Variants in CMIP observed in about 807,000 individuals in gnomAD.
CMIP encodes the protein C-Maf-inducing protein.
A neutral mutation model predicts 97.3 loss-of-function variants in CMIP; 13 were observed. That is an observed-to-expected ratio of 0.13 (90% CI 0.09 to 0.21). The LOEUF is 0.21. Ranked by LOEUF, CMIP falls within the 10% of genes least tolerant of loss-of-function variation. The pLI is 1.00. For synonymous variants in CMIP, 538 were observed against 436.3 expected, an observed-to-expected ratio of 1.23 and a Z score of -2.91; for missense variants, 847 against 1,024.9, an observed-to-expected ratio of 0.83 and a Z score of 2.37.
chr16:81,501,802 G>A (rs2089618377), intron 1 of CMIP, among the ~76,000 whole-genome samples: 1 of 151,996 alleles, frequency 6.6e-6, no homozygotes, highest in South Asian at 2.1e-4. Flanking sequence ...AGTAGAGTCG[G>A]GATTTCACCC....
At chr16:81,465,007 C>T (rs1242620415) in intron 1 of CMIP, 1 of 152,206 alleles carries the variant, frequency 6.6e-6, no homozygotes, top group East Asian at 1.9e-4. Context: ...GGGTAACGCT[C>T]CTGTGAACAT....
intron 1 of CMIP, among the ~76,000 whole-genome samples, chr16:81,459,007 C>T (rs572994658): frequency 5.5e-5 from 8 of 145,666 alleles, no homozygotes; most frequent in African/African-American, 1.9e-4. Context: ...TCACCATCAC[C>T]GTCACCGTCA....
At chr16:81,486,724 C>T (rs769931248) in intron 1 of CMIP, among the ~76,000 whole-genome samples, 1 of 152,266 alleles carries the variant, frequency 6.6e-6, no homozygotes, top group Non-Finnish European at 1.5e-5. Flanking sequence ...ACTCCCTAAG[C>T]GAATCCAGCT....
chr16:81,663,252 G>A (rs2151023523), intron 6 of CMIP, among the ~76,000 whole-genome samples: 1 of 152,076 alleles, frequency 6.6e-6, no homozygotes, highest in East Asian at 1.9e-4. Flanking sequence ...CCTTCCAGTG[G>A]GTGAATGGAT....
In CMIP at chr16:81,696,683, C is replaced by G. The variant is rs750317227; in HGVS notation, c.1638+16C>G. ...CGCCAGCATGGTACGCAGTGGGACC[C>G]CAGTGGGGTGACTTCCAGGGGTCCC... On this transcript the variant is annotated intron_variant, in intron 14 of 20. Coordinates refer to ENST00000537098, the MANE Select transcript of CMIP (RefSeq NM_198390.3). The G allele has an allele frequency of 8.7e-6, 14 of 1,600,704 alleles. No homozygotes were observed. The highest frequency in any genetic ancestry group is 1.7e-5 in the Admixed American group (1 of 59,742).
intron 14 of CMIP, 192 bp downstream of exon 14, chr16:81,696,859 T>C: frequency 1.6e-6 from 1 of 610,898 alleles, no homozygotes; most frequent in African/African-American, 1.9e-5. Flanking sequence ...ATTTCTTATC[T>C]GAGGCTCCAA....
chr16:81,495,998 C>A (rs1471251968), intron 1 of CMIP, among the ~76,000 whole-genome samples: 1 of 152,160 alleles, frequency 6.6e-6, no homozygotes, highest in Non-Finnish European at 1.5e-5. Flanking sequence ...GGCAGGGGCG[C>A]AAAGGAAGCA....
At chr16:81,551,828 G>C (rs558556553) in intron 1 of CMIP, among the ~76,000 whole-genome samples, 3 of 152,328 alleles carry the variant, frequency 2.0e-5, no homozygotes, top group African/African-American at 7.2e-5. Flanking sequence ...GTGGGTGACA[G>C]CTCCTGCTCC....
intron 1 of CMIP, among the ~76,000 whole-genome samples, chr16:81,516,647 A>T (rs770196394): frequency 6.6e-6 from 1 of 152,066 alleles, no homozygotes; most frequent in Non-Finnish European, 1.5e-5. Context: ...ACTGCTGGGG[A>T]TTGGCTTGCT....
chr16:81,581,923 A>G (rs1034985058), intron 1 of CMIP, among the ~76,000 whole-genome samples: 4 of 152,172 alleles, frequency 2.6e-5, no homozygotes, highest in Non-Finnish European at 5.9e-5. Context: ...AATTTTAAGA[A>G]AGGAGGTTTA....
At chr16:81,705,811 G>T (rs911540094) in intron 19 of CMIP, among the ~76,000 whole-genome samples, 1 of 152,230 alleles carries the variant, frequency 6.6e-6, no homozygotes, top group Non-Finnish European at 1.5e-5. Context: ...CCTAACCTCA[G>T]AGAGCTTATA....
chr16:81,495,191 C>T (rs573562228), intron 1 of CMIP, among the ~76,000 whole-genome samples: 1 of 152,220 alleles, frequency 6.6e-6, no homozygotes, highest in East Asian at 1.9e-4. Flanking sequence ...TAGCTCTCAC[C>T]ATCATCATCA....
intron 3 of CMIP, among the ~76,000 whole-genome samples, chr16:81,634,866 C>T (rs916138035): frequency 6.6e-6 from 1 of 152,152 alleles, no homozygotes; most frequent in African/African-American, 2.4e-5. Flanking sequence ...GTGCTGCAAG[C>T]ACTAGATAAA....
At chr16:81,548,372 G>A (rs1037353830) in intron 1 of CMIP, among the ~76,000 whole-genome samples, 1 of 152,020 alleles carries the variant, frequency 6.6e-6, no homozygotes, top group Non-Finnish European at 1.5e-5. Flanking sequence ...GAGCTGAAGC[G>A]GTCCTCTTGT....
At chr16:81,636,442 G>A (rs1041987613) in intron 3 of CMIP, among the ~76,000 whole-genome samples, 3 of 151,970 alleles carry the variant, frequency 2.0e-5, no homozygotes, top group Non-Finnish European at 2.9e-5. Context: ...TTAGCTAGGC[G>A]TGGTGGCAGG....
At chr16:81,568,381 C>A (rs570276413) in intron 1 of CMIP, among the ~76,000 whole-genome samples, 11 of 152,268 alleles carry the variant, frequency 7.2e-5, no homozygotes, top group Non-Finnish European at 1.6e-4. Flanking sequence ...AGCTGTGCCC[C>A]CAACCCCCAT....
chr16:81,490,747 A>G (rs1282724841), intron 1 of CMIP, among the ~76,000 whole-genome samples: 1 of 152,120 alleles, frequency 6.6e-6, no homozygotes. Flanking sequence ...ACTTGATGTG[A>G]AACTTTAAGG....
intron 1 of CMIP, among the ~76,000 whole-genome samples, chr16:81,512,528 T>C (rs1267417993): frequency 6.6e-6 from 1 of 152,212 alleles, no homozygotes; most frequent in Non-Finnish European, 1.5e-5. Flanking sequence ...ATCAGCTACA[T>C]GGTTGTTGCA....
intron 1 of CMIP, among the ~76,000 whole-genome samples, chr16:81,529,186 G>T (rs976621253): frequency 2.0e-5 from 3 of 152,246 alleles, no homozygotes; most frequent in Non-Finnish European, 4.4e-5. Flanking sequence ...TCTAGGGCAG[G>T]TTGGGAGGAT....
Sources: gnomAD v4.1 joint callset for allele counts (sites outside exome capture counted in the v4.1 genomes callset) on GRCh38, gnomAD v4.1.1 for gene constraint, MANE v1.5 for transcripts, NCBI Gene and HGNC (gene_info 2026-07-23, HGNC 2026-07-21) for gene names.